CCDC38: variants seen among roughly 807,000 people sequenced by gnomAD.
The protein encoded by CCDC38 is coiled-coil domain-containing protein 38.
A neutral mutation model predicts 72.8 loss-of-function variants in CCDC38; 69 were observed. The ratio of observed to expected loss-of-function variants is 0.95; its 90% CI spans 0.78 to 1.16. The LOEUF (loss-of-function observed/expected upper bound fraction) is 1.16, where lower values mean the gene tolerates loss of function less well. CCDC38 is among the 50% of genes most tolerant of loss of function. The pLI is 0.00. For synonymous variants in CCDC38, 201 were observed against 213.2 expected (o/e 0.94, Z 0.50); for missense variants, 626 against 638.9 (o/e 0.98, Z 0.22).
rs553944751 is a variant in CCDC38 at position 95,921,309 on chromosome 12, A to C, written c.38-2333T>G. On this transcript the variant is annotated intron_variant, in intron 2 of 15. Coordinates refer to ENST00000344280, the MANE Select transcript of CCDC38 (RefSeq NM_182496.3). ...GGAAATCTTGGCTTTCAAAACCAAT[A>C]GTCAAGGTCAAGTGTAATTGTCTAT... Among the ~76,000 whole-genome samples, 5 of 152,258 alleles carry C rather than the reference A, an allele frequency of 3.3e-5. No homozygotes were observed. In the South Asian group the frequency reaches 1.0e-3, roughly 32 times the overall value.
intron 2 of CCDC38, among the ~76,000 whole-genome samples, chr12:95,921,700 C>T (rs2080210574): frequency 6.6e-6 from 1 of 151,918 alleles, no homozygotes; most frequent in African/African-American, 2.4e-5. Context: ...CAGAGCCAAA[C>T]CATATAACCA....
rs193178496 is a variant in CCDC38 at position 95,879,488 on chromosome 12, C to T, written c.1142+156G>A. Among the ~76,000 whole-genome samples the T allele has an allele frequency of 6.6e-6, 1 of 152,232 alleles. No homozygotes were observed. The highest frequency in any genetic ancestry group is 2.4e-5 in the African/African-American group (1 of 41,520). ...AAAGCCAGTCTATTCTGTGTAAATA[C>T]GACGTCTACGTTTTGCACTCCACAA... On this transcript the variant is annotated intron_variant, in intron 12 of 15. Coordinates refer to ENST00000344280, the MANE Select transcript of CCDC38 (RefSeq NM_182496.3). This position sits in a 1 kb window ranked among gnomAD's most constrained non-coding sequence, Gnocchi z 5.5.
At position 95,895,231 on chromosome 12, in the gene CCDC38, C is replaced by T. The variant is rs536283447; in HGVS notation, c.615-85G>A. On this transcript the variant is annotated intron_variant, in intron 7 of 15. Coordinates refer to ENST00000344280, the MANE Select transcript of CCDC38 (RefSeq NM_182496.3). The stretch of plus-strand genomic sequence containing the variant: ...AAAAAATTTTTATAAAATTGTTTCT[C>T]TTATGTACTGAATTAATAATTTAAT... 7.4e-5 allele frequency: 63 copies of T among 855,494 alleles called. No individual in the cohort carries two copies. The South Asian group carries it at 1.2e-3, about 16-fold the overall frequency. The allele number at this position is 855,494 out of a possible 1,614,324, so 53.0% of individuals were successfully genotyped here.
chr12:95,943,220 G>A (rs2080472351), upstream of CCDC38: 1 of 631,802 alleles, frequency 1.6e-6, no homozygotes, highest in African/African-American at 1.9e-5. Context: ...TTCTTGCAAT[G>A]ATTACCGCCC....
At chr12:95,891,781 C>T (rs1445636680) in intron 8 of CCDC38, among the ~76,000 whole-genome samples, 2 of 152,020 alleles carry the variant, frequency 1.3e-5, no homozygotes, top group Non-Finnish European at 2.9e-5. Flanking sequence ...ACACATATGA[C>T]CTAATTTAAT....
At chr12:95,883,838 G>A (rs2079727884) in intron 10 of CCDC38, among the ~76,000 whole-genome samples, 1 of 152,166 alleles carries the variant, frequency 6.6e-6, no homozygotes, top group South Asian at 2.1e-4. Flanking sequence ...TGTGGTGTCT[G>A]CATGTTACTG....
intron 4 of CCDC38, among the ~76,000 whole-genome samples, chr12:95,913,236 C>T (rs73231434): frequency 0.066 from 10,087 of 152,178 alleles, 855 homozygotes; most frequent in African/African-American, 0.2. Context: ...CTCTCCATGC[C>T]TCAGCTTCCT....
intron 4 of CCDC38, among the ~76,000 whole-genome samples, chr12:95,908,304 A>G (rs1394270276): frequency 1.3e-5 from 2 of 150,940 alleles, no homozygotes; most frequent in African/African-American, 2.4e-5. Flanking sequence ...CACCCAAAAA[A>G]TAGGAAAACC....
At chr12:95,935,631 T>C in intron 2 of CCDC38, 2 of 196,050 alleles carry the variant, frequency 1.0e-5, no homozygotes, top group African/African-American at 2.3e-5. Context: ...GTGTCAAATG[T>C]TCCTTTAAAG....
chr12:95,879,852 T>G lies in CCDC38; in HGVS notation c.991-57A>C. 1 of 1,335,296 alleles carries G rather than the reference T, an allele frequency of 7.5e-7. No individual in the cohort carries two copies. Among genetic ancestry groups the G allele is most frequent in the South Asian group, 1.4e-5 (1 of 72,314 alleles). 82.7% of individuals were successfully genotyped at this position (1,335,296 alleles called of 1,614,324 possible). On this transcript the variant is annotated intron_variant, in intron 11 of 15. Coordinates refer to ENST00000344280, the MANE Select transcript of CCDC38 (RefSeq NM_182496.3). The surrounding 1 kb of genome is among the most constrained non-coding windows in gnomAD (Gnocchi z 5.5). ...CTTAAAAATATGCTACCTATGCACA[T>G]GTGACTTATCTAGAAAATACAGTGG...
At chr12:95,932,443 T>C (rs1213135624) in intron 2 of CCDC38, among the ~76,000 whole-genome samples, 4 of 152,094 alleles carry the variant, frequency 2.6e-5, no homozygotes, top group Non-Finnish European at 5.9e-5. Flanking sequence ...TTGTTTTTTC[T>C]TAAATCATAT....
intron 4 of CCDC38, among the ~76,000 whole-genome samples, chr12:95,911,125 T>A (rs1484767648): frequency 6.6e-6 from 1 of 151,828 alleles, no homozygotes; most frequent in Non-Finnish European, 1.5e-5. Context: ...ATGACAAAAA[T>A]AAAAAATGGG....
At chr12:95,895,987 T>G (rs1174152922) in intron 7 of CCDC38, among the ~76,000 whole-genome samples, 2 of 138,412 alleles carry the variant, frequency 1.4e-5, no homozygotes, top group Non-Finnish European at 3.0e-5. Flanking sequence ...ACCTGGGAGG[T>G]AGAGGTTGCA....
At chr12:95,895,211 AT>A in intron 7 of CCDC38, 65 bp from the exon 8 acceptor site, 1 of 1,209,442 alleles carries the variant, frequency 8.3e-7, no homozygotes, top group Non-Finnish European at 1.1e-6. Context: ...TTAGAAAAAA[AT>A]TTTTATAAAA....
chr12:95,916,417 C>CTTCCTTCCTTCCTTCCT (rs1264254817), intron 4 of CCDC38, among the ~76,000 whole-genome samples: 1 of 145,342 alleles, frequency 6.9e-6, no homozygotes, highest in African/African-American at 2.6e-5. Flanking sequence ...TCCTTCCTTC[C>CTTCCTTCCTTCCTTCCT]TTTTTTCCCT....
chr12:95,926,385 A>G (rs1432531107), intron 2 of CCDC38, among the ~76,000 whole-genome samples: 2 of 151,896 alleles, frequency 1.3e-5, no homozygotes, highest in South Asian at 4.2e-4. Context: ...ATCGGTGGTG[A>G]TATCCCCTTT....
intron 2 of CCDC38, among the ~76,000 whole-genome samples, chr12:95,921,148 A>C: frequency 6.6e-6 from 1 of 151,890 alleles, no homozygotes; most frequent in East Asian, 1.9e-4. Context: ...AAAGAAAAAG[A>C]AAAAGAAAAA....
At chr12:95,900,102 C>G (rs1217412070) in intron 5 of CCDC38, among the ~76,000 whole-genome samples, 1 of 152,038 alleles carries the variant, frequency 6.6e-6, no homozygotes, top group Admixed American at 6.6e-5. Context: ...GCAAAAACCA[C>G]AGTTGTTTTT....
chr12:95,885,489 T>A (rs1256423919), intron 10 of CCDC38: 2 of 179,508 alleles, frequency 1.1e-5, no homozygotes, highest in Non-Finnish European at 2.3e-5. Flanking sequence ...AGTTTTCTTA[T>A]CCTGTCACTT....
Sources: gnomAD v4.1 joint callset for allele counts (sites outside exome capture counted in the v4.1 genomes callset) on GRCh38, gnomAD v4.1.1 for gene constraint, Gnocchi (gnomAD v3.1) non-coding constraint, MANE v1.5 for transcripts, NCBI Gene and HGNC (gene_info 2026-07-23, HGNC 2026-07-21) for gene names.